The following SUGCT variants were observed in gnomAD, a reference collection of about 807,000 sequenced individuals.
SUGCT encodes succinyl-CoA:glutarate CoA-transferase.
A neutral mutation model predicts 55.0 loss-of-function variants in SUGCT; 41 were observed. The observed-to-expected ratio is 0.74, with a 90% CI of 0.58 to 0.97. The LOEUF is 0.97. SUGCT is among the 50% of genes least tolerant of loss of function. The pLI is 0.00. For missense variants in SUGCT, 568 were observed against 547.8 expected (o/e 1.04, Z -0.37); for synonymous variants, 187 against 200.4 (o/e 0.93, Z 0.56).
At chr7:40,769,261 G>A (rs1242562045) in intron 13 of SUGCT, among the ~76,000 whole-genome samples, 2 of 152,184 alleles carry the variant, frequency 1.3e-5, no homozygotes, top group Admixed American at 6.5e-5. Context: ...CAGTGACTGA[G>A]TTAGAAGCAA....
the SUGCT span, among the ~76,000 whole-genome samples, chr7:40,943,038 T>A: frequency 6.6e-6 from 1 of 151,930 alleles, no homozygotes; most frequent in African/African-American, 2.4e-5. Flanking sequence ...ATAATCAACC[T>A]TTTGAATTTT....
At chr7:40,826,596 C>T (rs917655710) in intron 13 of SUGCT, among the ~76,000 whole-genome samples, 15 of 152,136 alleles carry the variant, frequency 9.9e-5, no homozygotes, top group Admixed American at 6.5e-4. Context: ...CCAGGCTTGC[C>T]GCAGGCTACA....
At chr7:40,779,844 A>G (rs1789643807) in intron 13 of SUGCT, among the ~76,000 whole-genome samples, 1 of 152,126 alleles carries the variant, frequency 6.6e-6, no homozygotes, top group East Asian at 1.9e-4. Flanking sequence ...GTTTTCTATT[A>G]GTGGCTTGGG....
chr7:40,975,115 A>C, the SUGCT span, among the ~76,000 whole-genome samples: 1 of 152,204 alleles, frequency 6.6e-6, no homozygotes, highest in Non-Finnish European at 1.5e-5. Context: ...GTGTCTGATC[A>C]ATTTTATAAA....
At chr7:40,772,524 ATC>A (rs1270848842) in intron 13 of SUGCT, among the ~76,000 whole-genome samples, 1 of 150,970 alleles carries the variant, frequency 6.6e-6, no homozygotes, top group East Asian at 2.0e-4. Context: ...CTATCTATCT[ATC>A]TATCTATCTA....
the SUGCT span, among the ~76,000 whole-genome samples, chr7:41,038,161 G>A: frequency 6.6e-6 from 1 of 152,174 alleles, no homozygotes; most frequent in Admixed American, 6.5e-5. Context: ...CCGGAGCTGG[G>A]ACAGGTGGAA....
chr7:40,161,551 TG>T (rs1460321841), intron 1 of SUGCT, among the ~76,000 whole-genome samples: 1 of 152,228 alleles, frequency 6.6e-6, no homozygotes, highest in African/African-American at 2.4e-5. Context: ...TTCCCCTGGA[TG>T]GGATGCATTT....
At position 40,149,275 on chromosome 7, in the gene SUGCT, G is replaced by T. The variant is rs139897247; in HGVS notation, c.100+14155G>T. On this transcript the variant is annotated intron_variant, in intron 1 of 13. Coordinates refer to ENST00000335693, the MANE Select transcript of SUGCT (RefSeq NM_001193313.2). ...ACCGCCTTTGCAAAATTATGACTGA[G>T]ATAGTGAAAGAGATCTAACTTAACT... Among the ~76,000 whole-genome samples the T allele has an allele frequency of 3.6e-3, 555 of 152,278 alleles. 3 individuals are homozygous for T. The highest frequency in any genetic ancestry group is 0.012 in the African/African-American group (517 of 41,538).
intron 13 of SUGCT, among the ~76,000 whole-genome samples, chr7:40,822,172 CT>C (rs955245648): frequency 1.3e-5 from 2 of 151,370 alleles, no homozygotes; most frequent in Non-Finnish European, 3.0e-5. Context: ...CTGAGGAGTA[CT>C]TTACTTCCGA....
chr7:40,864,662 A>G (rs983216415), downstream of SUGCT, among the ~76,000 whole-genome samples: 3 of 151,976 alleles, frequency 2.0e-5, no homozygotes, highest in Non-Finnish European at 4.4e-5. Context: ...AGGGAAAACA[A>G]GTACAAAAAA....
intron 12 of SUGCT, among the ~76,000 whole-genome samples, chr7:40,511,210 A>G (rs1032094900): frequency 6.6e-6 from 1 of 152,060 alleles, no homozygotes; most frequent in African/African-American, 2.4e-5. Context: ...CATATCATGT[A>G]CCCCTTGGTA....
the SUGCT span, among the ~76,000 whole-genome samples, chr7:41,005,007 A>G: frequency 1.4e-4 from 21 of 152,090 alleles, no homozygotes; most frequent in Non-Finnish European, 2.9e-4. Context: ...ATTGATGAGC[A>G]TTTGCCCAAA....
At chr7:40,499,486 G>T (rs548216190) in intron 12 of SUGCT, 65 of 188,568 alleles carry the variant, frequency 3.4e-4, no homozygotes, top group Non-Finnish European at 5.5e-4. Flanking sequence ...TTTTTTCATG[G>T]ATAAATGAGA....
chr7:40,514,698 G>A (rs1253868153), intron 12 of SUGCT, among the ~76,000 whole-genome samples: 4 of 94,540 alleles, frequency 4.2e-5, no homozygotes, highest in African/African-American at 4.2e-5. Context: ...CAACAAGAGC[G>A]AAACTCCGTC....
intron 7 of SUGCT, among the ~76,000 whole-genome samples, chr7:40,261,845 C>T (rs998626810): frequency 6.6e-6 from 1 of 152,220 alleles, no homozygotes; most frequent in Non-Finnish European, 1.5e-5. Context: ...TCTGATCCAT[C>T]AGTGCAGAAA....
intron 1 of SUGCT, among the ~76,000 whole-genome samples, chr7:40,174,427 A>G (rs1156828209): frequency 6.6e-6 from 1 of 152,196 alleles, no homozygotes; most frequent in Admixed American, 6.6e-5. Context: ...CTGGCTAAGA[A>G]TATTATAATT....
chr7:40,814,302 T>C (rs1791563959), intron 13 of SUGCT, among the ~76,000 whole-genome samples: 1 of 152,154 alleles, frequency 6.6e-6, no homozygotes, highest in Non-Finnish European at 1.5e-5. Flanking sequence ...TTTTCCAGGT[T>C]ATTTACTCTT....
At chr7:40,598,581 C>T (rs769577744) in intron 12 of SUGCT, among the ~76,000 whole-genome samples, 5 of 152,142 alleles carry the variant, frequency 3.3e-5, no homozygotes, top group Non-Finnish European at 5.9e-5. Flanking sequence ...GGACTGTTCA[C>T]GTAGACATGA....
the SUGCT span, among the ~76,000 whole-genome samples, chr7:40,905,891 A>T: frequency 6.6e-6 from 1 of 151,476 alleles, no homozygotes; most frequent in Non-Finnish European, 1.5e-5. Flanking sequence ...CTAATTTTTA[A>T]ATTTTTTGTA....
Sources: allele counts gnomAD v4.1 joint callset (sites outside exome capture counted in the v4.1 genomes callset), GRCh38; gene constraint gnomAD v4.1.1; transcripts MANE v1.5; gene names NCBI Gene and HGNC (gene_info 2026-07-23, HGNC 2026-07-21).